Variants in POGZ observed in about 807,000 individuals in gnomAD.
POGZ encodes pogo transposable element with ZNF domain.
In POGZ, 17 loss-of-function variants were observed where a neutral mutation model predicts 134.6. The observed-to-expected ratio is 0.13, with a 90% CI of 0.09 to 0.19. The LOEUF (loss-of-function observed/expected upper bound fraction) is 0.19, where lower values mean the gene tolerates loss of function less well. Ranked by LOEUF, POGZ falls within the 10% of genes least tolerant of loss-of-function variation. The pLI, the probability that POGZ is intolerant of heterozygous loss-of-function variation, is 1.00. For synonymous variants in POGZ, 693 were observed against 657.1 expected, an observed-to-expected ratio of 1.05 and a Z score of -0.84; for missense variants, 1,306 against 1,769.7, an observed-to-expected ratio of 0.74 and a Z score of 4.70.
chr1:151,416,961 C>T (rs541963303), intron 10 of POGZ, among the ~76,000 whole-genome samples: 2 of 151,910 alleles, frequency 1.3e-5, no homozygotes, highest in African/African-American at 4.8e-5. Flanking sequence ...ATACTGTTAT[C>T]ACAATTAAAT....
chr1:151,446,267 A>C (rs974663505), intron 1 of POGZ, among the ~76,000 whole-genome samples: 4 of 134,148 alleles, frequency 3.0e-5, no homozygotes, highest in South Asian at 5.1e-4. Flanking sequence ...AAAAAAAAAA[A>C]AAAAAAACGA....
intron 1 of POGZ, 34 bp from the exon 2 acceptor site, chr1:151,442,239 TAAG>T: frequency 6.3e-7 from 1 of 1,596,630 alleles, no homozygotes; most frequent in Non-Finnish European, 8.6e-7. Flanking sequence ...GATATGGGCC[TAAG>T]AATAGGAGAT....
chr1:151,458,257 C>G (rs1663006003), intron 1 of POGZ, among the ~76,000 whole-genome samples: 1 of 152,024 alleles, frequency 6.6e-6, no homozygotes, highest in Admixed American at 6.6e-5. Context: ...TACTCCTTTG[C>G]AAAAGGTGCC....
At chr1:151,441,223 A>G (rs1039909344) in intron 2 of POGZ, 137 bp from the exon 3 acceptor site, 3 of 598,470 alleles carry the variant, frequency 5.0e-6, no homozygotes, top group African/African-American at 1.9e-5. Context: ...CCAACTGTTC[A>G]TGTGATTTCT....
chr1:151,414,625 A>T lies in POGZ; in HGVS notation c.1679-2229T>A, dbSNP rs558882260. Among the ~76,000 whole-genome samples the T allele has an allele frequency of 6.0e-4, 91 of 152,308 alleles. 1 individual carries two copies. The highest frequency in any genetic ancestry group is 3.4e-3 in the Middle Eastern group (1 of 294). On this transcript the variant is annotated intron_variant, in intron 10 of 18. Coordinates refer to ENST00000271715, the MANE Select transcript of POGZ (RefSeq NM_015100.4). ...TGGAGAAACCCTGTCTCTACTAAAA[A>T]TACAAAATCAGCCGGGCACAGTAAT...
Position 151,403,815 on chromosome 1 carries a change from C to A in POGZ, c.*987G>T, listed in dbSNP as rs995368269. The A allele has an allele frequency of 1.0e-6, 1 of 985,412 alleles. No homozygotes were observed. Among genetic ancestry groups the A allele is most frequent in the Admixed American group, 6.1e-5 (1 of 16,272 alleles). 61.0% of individuals were successfully genotyped at this position (985,412 alleles called of 1,614,324 possible). On this transcript the variant is annotated 3_prime_UTR_variant, in exon 19 of 19. Transcript: ENST00000271715. ...TAGGACCAGTAATCCCTTAAACAGG[C>A]ATGCTCTCCATCTAACAGGATGAAG...
intron 18 of POGZ, 66 bp from the exon 19 acceptor site, chr1:151,406,530 TATG>T: frequency 6.5e-7 from 1 of 1,537,256 alleles, no homozygotes; most frequent in East Asian, 2.4e-5. Flanking sequence ...GAAACAATAA[TATG>T]ATAATAATAA....
intron 1 of POGZ, among the ~76,000 whole-genome samples, chr1:151,454,384 T>A (rs915834905): frequency 1.3e-5 from 2 of 152,158 alleles, no homozygotes; most frequent in Non-Finnish European, 2.9e-5. Flanking sequence ...AAAACTATAG[T>A]TAAACATGTA....
chr1:151,412,818 T>G (rs1208598681), intron 10 of POGZ, among the ~76,000 whole-genome samples: 1 of 152,166 alleles, frequency 6.6e-6, no homozygotes, highest in African/African-American at 2.4e-5. Context: ...TTCTCTATAC[T>G]TATAATAAGG....
chr1:151,456,995 T>C (rs1255584456), intron 1 of POGZ, among the ~76,000 whole-genome samples: 2 of 152,246 alleles, frequency 1.3e-5, no homozygotes, highest in Non-Finnish European at 2.9e-5. Flanking sequence ...AGCCTTGCTT[T>C]TGAACCATCA....
At chr1:151,438,430 A>G (rs1659985162) in intron 3 of POGZ, among the ~76,000 whole-genome samples, 1 of 152,154 alleles carries the variant, frequency 6.6e-6, no homozygotes, top group African/African-American at 2.4e-5. Context: ...GTTATGGGTT[A>G]ACATTTTAAT....
Position 151,429,478 on chromosome 1 carries a change from T to C in POGZ, c.568+125A>G, listed in dbSNP as rs201161810. The C allele has an allele frequency of 3.8e-4, 175 of 457,660 alleles. 1 individual carries two copies. The East Asian group carries it at 6.1e-3, about 16-fold the overall frequency. The allele number at this position is 457,660 out of a possible 1,614,324, so 28.3% of individuals were successfully genotyped here. A position where few individuals can be genotyped will look rare whatever the true frequency, so the allele number is the denominator to read the frequency against. On this transcript the variant is annotated intron_variant, in intron 5 of 18. Coordinates refer to ENST00000271715, the MANE Select transcript of POGZ (RefSeq NM_015100.4). Reference sequence around the variant, plus strand: ...ATTTTTTAAAATTGGGCTTAAATCATTAATATTTTTATATTTTTAGATTTT... The same window carrying C: ...ATTTTTTAAAATTGGGCTTAAATCACTAATATTTTTATATTTTTAGATTTT...
chr1:151,415,178 C>T (rs942626894), intron 10 of POGZ, among the ~76,000 whole-genome samples: 3 of 152,278 alleles, frequency 2.0e-5, no homozygotes, highest in Non-Finnish European at 2.9e-5. Context: ...CTTCCCCAAC[C>T]CCGACAGGCT....
chr1:151,424,207 T>C lies in POGZ; in HGVS notation c.1265A>G (p.Lys422Arg). Reference protein sequence around the residue: ...DSEPSVPSAAKPPSPEKTAPV... With the variant: ...DSEPSVPSAARPPSPEKTAPV... ...AGCTGTTTTCTCAGGGGATGGGGGC[T>C]TTGCTGCTGATGGGACACTGGGTTC... Residue 422 changes from lysine (K) to arginine (R), a missense_variant, in exon 9 of 19, where the codon AAG becomes AGG. This residue lies in a region of POGZ where 541 missense variants were observed against 680.5 expected (regional missense o/e 0.80). Coordinates refer to ENST00000271715, the MANE Select transcript of POGZ (RefSeq NM_015100.4). 1 of 1,613,986 alleles carries C rather than the reference T, an allele frequency of 6.2e-7. No homozygotes were observed. Among genetic ancestry groups the C allele is most frequent in the South Asian group, 1.1e-5 (1 of 91,060 alleles).
intron 1 of POGZ, among the ~76,000 whole-genome samples, chr1:151,444,698 C>A (rs1316751111): frequency 6.6e-6 from 1 of 152,106 alleles, no homozygotes; most frequent in African/African-American, 2.4e-5. Flanking sequence ...AAAGGGTGTT[C>A]TTTTATCTTA....
intron 12 of POGZ, among the ~76,000 whole-genome samples, chr1:151,409,063 C>A (rs1312244980): frequency 6.6e-6 from 1 of 152,272 alleles, no homozygotes; most frequent in South Asian, 2.1e-4. Context: ...ACTAAGTTCT[C>A]AAATCATCCT....
chr1:151,426,311 C>T (rs1258569085), intron 7 of POGZ: 2 of 151,974 alleles, frequency 1.3e-5, no homozygotes, highest in African/African-American at 2.4e-5. Context: ...CTCAGCCTCC[C>T]GAGCAGCTGG....
rs374412729 is a variant in POGZ, at chr1:151,408,213, C to T, written c.2262G>A (p.Leu754=). The change falls in exon 15 of 19, where the codon CTG becomes CTA. Residue 754 remains leucine (L), a synonymous_variant. Transcript: ENST00000271715. ...KMSVMGRQTC[L]ECSFEIPDFP... ...AGTCTGGGATCTCGAAGCTGCACTC[C>T]AGGCATGTCTGCCGGCCCATGACAC... is the stretch of plus-strand genomic sequence containing the variant. 6 of 1,613,404 alleles carry T rather than the reference C, an allele frequency of 3.7e-6. No homozygotes were observed. In the African/African-American group the frequency reaches 8.0e-5, roughly 22 times the overall value.
chr1:151,422,596 C>CTT (rs950972860), intron 10 of POGZ, among the ~76,000 whole-genome samples: 1 of 147,512 alleles, frequency 6.8e-6, no homozygotes. Context: ...ATAATATTAT[C>CTT]TTTTTTTTTT....
Sources: allele counts gnomAD v4.1 joint callset (sites outside exome capture counted in the v4.1 genomes callset), GRCh38; gene constraint gnomAD v4.1.1; regional missense constraint gnomAD v4.1.1; transcripts MANE v1.5; gene names NCBI Gene and HGNC (gene_info 2026-07-23, HGNC 2026-07-21).